FSIP1: variants seen among roughly 807,000 people sequenced by gnomAD.
FSIP1 encodes the protein fibrous sheath interacting protein 1.
Under a neutral mutation model 60.9 loss-of-function variants are expected in FSIP1, and 65 were observed. The ratio of observed to expected loss-of-function variants is 1.07; its 90% confidence interval spans 0.87 to 1.31. The LOEUF is 1.31. Among genes scored for constraint, FSIP1 ranks in the 40% most tolerant of loss-of-function variants. The pLI, the probability that FSIP1 is intolerant of heterozygous loss-of-function variation, is 0.00. For missense variants in FSIP1, 675 were observed against 665.5 expected (o/e 1.01, Z -0.16); for synonymous variants, 209 against 221.2 (o/e 0.94, Z 0.49).
At chr15:39,772,284 A>G (rs1024563885) in intron 2 of FSIP1, among the ~76,000 whole-genome samples, 2 of 151,952 alleles carry the variant, frequency 1.3e-5, no homozygotes, top group Non-Finnish European at 2.9e-5. Flanking sequence ...ATCACATCCC[A>G]TCTCTGTATA....
chr15:39,667,198 C>G (rs1009739905), intron 10 of FSIP1, among the ~76,000 whole-genome samples: 3 of 152,166 alleles, frequency 2.0e-5, no homozygotes, highest in Admixed American at 2.0e-4. Context: ...CTTCTCATAA[C>G]TCAATGACTT....
intron 10 of FSIP1, among the ~76,000 whole-genome samples, chr15:39,647,501 G>A (rs1892667108): frequency 1.3e-5 from 2 of 152,092 alleles, no homozygotes; most frequent in African/African-American, 4.8e-5. Flanking sequence ...TAGGGCTCAG[G>A]TATCCACCTC....
intron 8 of FSIP1, among the ~76,000 whole-genome samples, chr15:39,729,433 A>G (rs1250706162): frequency 6.6e-6 from 1 of 152,062 alleles, no homozygotes; most frequent in Non-Finnish European, 1.5e-5. Flanking sequence ...AATTAGCCAA[A>G]TGTGGTGATA....
At chr15:39,717,166 C>T (rs755588738) in intron 9 of FSIP1, among the ~76,000 whole-genome samples, 3 of 152,128 alleles carry the variant, frequency 2.0e-5, no homozygotes, top group Non-Finnish European at 4.4e-5. Flanking sequence ...AAAAATTCAA[C>T]TCCTATGAAT....
At chr15:39,615,562 C>G (rs9806647) in intron 11 of FSIP1, among the ~76,000 whole-genome samples, 32,128 of 151,604 alleles carry the variant, frequency 0.21, 4,319 homozygotes, top group African/African-American at 0.38. Flanking sequence ...AAACGAGATG[C>G]TACATCACAC....
intron 1 of FSIP1, among the ~76,000 whole-genome samples, chr15:39,781,984 G>C (rs1566925588): frequency 6.6e-6 from 1 of 152,202 alleles, no homozygotes; most frequent in Non-Finnish European, 1.5e-5. Flanking sequence ...TCAATTTTAA[G>C]TTAATATATT....
intron 10 of FSIP1, among the ~76,000 whole-genome samples, chr15:39,690,413 A>G (rs1035438774): frequency 6.6e-6 from 1 of 152,220 alleles, no homozygotes; most frequent in African/African-American, 2.4e-5. Flanking sequence ...ATACACTTAT[A>G]TGACTCCCTT....
intron 10 of FSIP1, among the ~76,000 whole-genome samples, chr15:39,640,696 T>C (rs758646614): frequency 7.0e-5 from 10 of 142,800 alleles, no homozygotes; most frequent in Non-Finnish European, 8.9e-5. Context: ...AAGACTCCAG[T>C]GCAACCACGT....
chr15:39,711,615 T>C (rs1872761), intron 10 of FSIP1, among the ~76,000 whole-genome samples: 140,666 of 150,202 alleles, frequency 0.94, 66,283 homozygotes, highest in Non-Finnish European at 0.99. Context: ...CACAATGTAC[T>C]ATCGTTACCA....
intron 5 of FSIP1, among the ~76,000 whole-genome samples, chr15:39,752,752 C>T (rs950789069): frequency 2.0e-5 from 3 of 151,854 alleles, no homozygotes; most frequent in Non-Finnish European, 2.9e-5. Context: ...GAACAAAAAA[C>T]GGACATTAAG....
intron 10 of FSIP1, among the ~76,000 whole-genome samples, chr15:39,642,378 C>T (rs1216837529): frequency 6.6e-6 from 1 of 152,168 alleles, no homozygotes; most frequent in African/African-American, 2.4e-5. Flanking sequence ...TAGGCATTTA[C>T]TAATGGCCTT....
intron 8 of FSIP1, among the ~76,000 whole-genome samples, chr15:39,734,585 A>G (rs1361689699): frequency 6.6e-6 from 1 of 152,216 alleles, no homozygotes; most frequent in Non-Finnish European, 1.5e-5. Context: ...TTAGAAACTA[A>G]TTATTGAAGT....
At chr15:39,778,729 G>A (rs1159757826) in intron 1 of FSIP1, among the ~76,000 whole-genome samples, 2 of 152,094 alleles carry the variant, frequency 1.3e-5, no homozygotes, top group Non-Finnish European at 2.9e-5. Flanking sequence ...AAAAGGAAGC[G>A]AGTAGTATCA....
chr15:39,756,529 G>T (rs2140683635), intron 5 of FSIP1, among the ~76,000 whole-genome samples: 1 of 152,028 alleles, frequency 6.6e-6, no homozygotes, highest in Non-Finnish European at 1.5e-5. Context: ...TATAGACAAG[G>T]TCTTGCTAAG....
chr15:39,694,980 A>G (rs1459183586), intron 10 of FSIP1, among the ~76,000 whole-genome samples: 1 of 152,182 alleles, frequency 6.6e-6, no homozygotes, highest in African/African-American at 2.4e-5. Flanking sequence ...CTGCCCATAC[A>G]TCTGTAACAG....
intron 10 of FSIP1, among the ~76,000 whole-genome samples, chr15:39,658,128 T>C (rs1893142929): frequency 6.6e-6 from 1 of 152,082 alleles, no homozygotes; most frequent in Admixed American, 6.5e-5. Context: ...CTTTAAAAAA[T>C]GAAGAATCCA....
At chr15:39,621,760 C>A (rs564600475) in intron 10 of FSIP1, among the ~76,000 whole-genome samples, 17 of 152,244 alleles carry the variant, frequency 1.1e-4, no homozygotes, top group Admixed American at 2.0e-4. Context: ...ACTAAAAATT[C>A]TCTGGCCTCA....
At chr15:39,777,159 C>CCTGA (rs1898091376) in intron 1 of FSIP1, among the ~76,000 whole-genome samples, 1 of 151,978 alleles carries the variant, frequency 6.6e-6, no homozygotes, top group Non-Finnish European at 1.5e-5. Context: ...GTGTCAAACT[C>CCTGA]CTGACCTCAG....
intron 10 of FSIP1, among the ~76,000 whole-genome samples, chr15:39,685,643 G>A (rs1005478121): frequency 1.7e-4 from 26 of 152,128 alleles, no homozygotes; most frequent in African/African-American, 5.8e-4. Context: ...AATGACTGTA[G>A]TCAGCCATCC....
Sources: gnomAD v4.1 joint callset for allele counts (sites outside exome capture counted in the v4.1 genomes callset) on GRCh38, gnomAD v4.1.1 for gene constraint, MANE v1.5 for transcripts, NCBI Gene and HGNC (gene_info 2026-07-23, HGNC 2026-07-21) for gene names.